Variants in DGKB observed in about 807,000 individuals in gnomAD.
The protein encoded by DGKB is 90 kDa diacylglycerol kinase.
DGKB carries 67 observed loss-of-function variants against 114.3 expected under a neutral mutation model. That is an observed-to-expected ratio of 0.59 (90% confidence interval 0.48 to 0.72). DGKB has a LOEUF of 0.72. DGKB is among the 30% of genes least tolerant of loss of function. The pLI is 0.00. For synonymous variants in DGKB, 398 were observed against 323.1 expected, an observed-to-expected ratio of 1.23 and a Z score of -2.49; for missense variants, 907 against 975.2, an observed-to-expected ratio of 0.93 and a Z score of 0.93.
chr7:14,149,258 GA>G lies in DGKB; in HGVS notation c.2305-21del. 1 of 1,567,656 alleles carries G rather than the reference GA, an allele frequency of 6.4e-7. No individual in the cohort carries two copies. Among genetic ancestry groups the G allele is most frequent in the Admixed American group, 1.7e-5 (1 of 59,398 alleles). ...TTTTATCTAGAAAAAAAGAGAGAGA[GA>G]GAGAGAGAAAGAATAGAGTAATCTC... On this transcript the variant is annotated intron_variant, in intron 25 of 25. Transcript: ENST00000402815.
chr7:14,314,159 A>G (rs1436143735), intron 23 of DGKB, among the ~76,000 whole-genome samples: 2 of 152,156 alleles, frequency 1.3e-5, no homozygotes, highest in Non-Finnish European at 2.9e-5. Flanking sequence ...GACCAAAAGT[A>G]GATAAAACCA....
intron 20 of DGKB, among the ~76,000 whole-genome samples, chr7:14,563,238 C>T (rs531010407): frequency 1.1e-4 from 16 of 152,136 alleles, no homozygotes; most frequent in Non-Finnish European, 1.3e-4. Context: ...TTATAAATTA[C>T]GTAGTCTTGG....
chr7:14,173,941 A>G (rs913298156), intron 25 of DGKB, among the ~76,000 whole-genome samples: 8 of 152,222 alleles, frequency 5.3e-5, no homozygotes, highest in Non-Finnish European at 1.5e-5. Flanking sequence ...AAGTCATGAT[A>G]GTTAACAGGT....
chr7:14,297,181 G>T (rs1802733004), intron 23 of DGKB, among the ~76,000 whole-genome samples: 2 of 152,096 alleles, frequency 1.3e-5, no homozygotes, highest in Non-Finnish European at 2.9e-5. Context: ...TAGCAAAAGA[G>T]GGACTCCTCC....
At chr7:14,415,859 A>C (rs1031171592) in intron 21 of DGKB, among the ~76,000 whole-genome samples, 1 of 152,154 alleles carries the variant, frequency 6.6e-6, no homozygotes, top group African/African-American at 2.4e-5. Context: ...GACTTCCACA[A>C]TGGTTGAACT....
chr7:14,156,443 G>A (rs547128775), intron 25 of DGKB, among the ~76,000 whole-genome samples: 1 of 152,058 alleles, frequency 6.6e-6, no homozygotes, highest in South Asian at 2.1e-4. Flanking sequence ...AGGCAGTTTT[G>A]GGCTATATGT....
chr7:14,489,598 G>C (rs559040956), intron 20 of DGKB, among the ~76,000 whole-genome samples: 10 of 152,218 alleles, frequency 6.6e-5, no homozygotes, highest in African/African-American at 2.2e-4. Flanking sequence ...AATACCCAAG[G>C]GTTTGAAATG....
intron 1 of DGKB, among the ~76,000 whole-genome samples, chr7:14,912,061 T>G (rs765453533): frequency 2.6e-5 from 4 of 152,170 alleles, no homozygotes; most frequent in Non-Finnish European, 4.4e-5. Flanking sequence ...GGTAACAAAT[T>G]CTGATTTTTC....
intron 20 of DGKB, among the ~76,000 whole-genome samples, chr7:14,493,544 G>A (rs1162948485): frequency 1.3e-5 from 2 of 152,004 alleles, no homozygotes; most frequent in East Asian, 1.9e-4. Context: ...CTTACAGGAT[G>A]AGACAAAGTG....
intron 1 of DGKB, among the ~76,000 whole-genome samples, chr7:14,934,962 A>G (rs1416908615): frequency 6.6e-6 from 1 of 152,214 alleles, no homozygotes; most frequent in East Asian, 1.9e-4. Context: ...TTACATTTAG[A>G]GGCTCCTGGT....
intron 21 of DGKB, among the ~76,000 whole-genome samples, chr7:14,346,726 CTA>C (rs1812540388): frequency 6.6e-6 from 1 of 151,820 alleles, no homozygotes; most frequent in African/African-American, 2.4e-5. Flanking sequence ...ATGTAAATGT[CTA>C]TTTTATAGAA....
At chr7:14,834,650 T>G (rs1846896471) in intron 2 of DGKB, among the ~76,000 whole-genome samples, 1 of 152,140 alleles carries the variant, frequency 6.6e-6, no homozygotes, top group African/African-American at 2.4e-5. Flanking sequence ...ACTTGCTGAC[T>G]CAGATTGGAA....
intron 1 of DGKB, among the ~76,000 whole-genome samples, chr7:14,938,702 GA>G (rs956093187): frequency 1.3e-5 from 2 of 151,852 alleles, no homozygotes; most frequent in African/African-American, 4.8e-5. Context: ...AGACAGAATT[GA>G]AAACATATTG....
chr7:14,720,485 G>A (rs1412109027), intron 5 of DGKB, among the ~76,000 whole-genome samples: 13 of 54,804 alleles, frequency 2.4e-4, no homozygotes, highest in African/African-American at 4.7e-4. Flanking sequence ...GTGTGTGTGT[G>A]TGTGTGTGTG....
At position 14,289,829 on chromosome 7, in the gene DGKB, A is replaced by G. The variant is rs570045062; in HGVS notation, c.2122+48686T>C. ...GGTTTGAGAAACATGTCCTTAGCCT[A>G]TTCTAAACAAACACCTTGGTAAAGG... On this transcript the variant is annotated intron_variant, in intron 23 of 25. Coordinates refer to ENST00000402815, the MANE Select transcript of DGKB (RefSeq NM_001350709.2). 4.7e-4 allele frequency among the ~76,000 whole-genome samples: 71 copies of G among 152,046 alleles called. 1 individual carries two copies. Among genetic ancestry groups the G allele is most frequent in the African/African-American group, 1.6e-3 (67 of 41,482 alleles).
intron 15 of DGKB, among the ~76,000 whole-genome samples, chr7:14,620,782 G>A (rs1807485087): frequency 6.6e-6 from 1 of 151,652 alleles, no homozygotes; most frequent in South Asian, 2.1e-4. Flanking sequence ...AGGCGGTAAA[G>A]ATAACTTACA....
chr7:14,363,263 T>C (rs571656968), intron 21 of DGKB, among the ~76,000 whole-genome samples: 50 of 152,270 alleles, frequency 3.3e-4, no homozygotes, highest in Non-Finnish European at 6.3e-4. Context: ...CATAAACGTA[T>C]ATACCAGACA....
intron 9 of DGKB, among the ~76,000 whole-genome samples, chr7:14,688,894 A>G (rs148325581): frequency 6.0e-4 from 67 of 111,792 alleles, no homozygotes; most frequent in African/African-American, 2.0e-3. Flanking sequence ...TAGTGATTCT[A>G]AAGTTTTAGT....
At chr7:14,756,103 G>T (rs1191231976) in intron 3 of DGKB, among the ~76,000 whole-genome samples, 1 of 151,886 alleles carries the variant, frequency 6.6e-6, no homozygotes, top group Non-Finnish European at 1.5e-5. Context: ...AAAAATAATT[G>T]AAGCAAAAAG....
Sources: gnomAD v4.1 joint callset for allele counts (sites outside exome capture counted in the v4.1 genomes callset) on GRCh38, gnomAD v4.1.1 for gene constraint, MANE v1.5 for transcripts, NCBI Gene and HGNC (gene_info 2026-07-23, HGNC 2026-07-21) for gene names.